Variants in IQGAP2 observed in about 807,000 individuals in gnomAD.
IQGAP2 encodes ras GTPase-activating-like protein IQGAP2.
A neutral mutation model predicts 201.3 loss-of-function variants in IQGAP2; 173 were observed. That is an observed-to-expected ratio of 0.86 (90% CI 0.76 to 0.98). The LOEUF is 0.98. Ranked by LOEUF, IQGAP2 falls within the 50% of genes least tolerant of loss-of-function variation. IQGAP2 has a pLI of 0.00. For missense variants in IQGAP2, 1,687 were observed against 1,864.8 expected, an observed-to-expected ratio of 0.90 and a Z score of 1.76; for synonymous variants, 675 against 673.9, an observed-to-expected ratio of 1.00 and a Z score of -0.03.
intron 20 of IQGAP2, among the ~76,000 whole-genome samples, chr5:76,655,286 T>C (rs1365339277): frequency 6.6e-6 from 1 of 152,024 alleles, no homozygotes; most frequent in Non-Finnish European, 1.5e-5. Context: ...TTTTTTTCAA[T>C]CTAAGCGAGA....
intron 2 of IQGAP2, among the ~76,000 whole-genome samples, chr5:76,490,702 A>G (rs1029072693): frequency 6.6e-6 from 1 of 152,180 alleles, no homozygotes; most frequent in African/African-American, 2.4e-5. Context: ...AAGGAACTGT[A>G]TAGGTTATAG....
chr5:76,634,860 G>A (rs1226990475), intron 15 of IQGAP2, among the ~76,000 whole-genome samples: 1 of 151,968 alleles, frequency 6.6e-6, no homozygotes, highest in African/African-American at 2.4e-5. Flanking sequence ...CCTCCTTGTG[G>A]AATGTTCATC....
chr5:76,607,999 A>G (rs1372223462), intron 12 of IQGAP2: 1 of 152,232 alleles, frequency 6.6e-6, no homozygotes, highest in Non-Finnish European at 1.5e-5. Flanking sequence ...CAGTGCTGAA[A>G]GATTGTAGGG....
intron 2 of IQGAP2, among the ~76,000 whole-genome samples, chr5:76,532,111 A>C (rs1051314072): frequency 6.6e-6 from 1 of 152,252 alleles, no homozygotes; most frequent in Non-Finnish European, 1.5e-5. Context: ...TGAGGGGGAC[A>C]TAAGCATTCA....
chr5:76,544,669 G>A (rs1185479157), intron 2 of IQGAP2, among the ~76,000 whole-genome samples: 5 of 152,100 alleles, frequency 3.3e-5, no homozygotes, highest in Non-Finnish European at 5.9e-5. Flanking sequence ...AGAGTGAGTG[G>A]TTGCTTAATT....
At chr5:76,416,889 C>A (rs1234643791) in intron 1 of IQGAP2, among the ~76,000 whole-genome samples, 2 of 152,074 alleles carry the variant, frequency 1.3e-5, no homozygotes, top group African/African-American at 4.8e-5. Flanking sequence ...AGTGCAGTGA[C>A]ATCATCACAG....
intron 2 of IQGAP2, among the ~76,000 whole-genome samples, chr5:76,523,333 C>T (rs377377202): frequency 1.3e-5 from 2 of 152,030 alleles, no homozygotes; most frequent in South Asian, 2.1e-4. Context: ...TCAAGCGATC[C>T]TCCCTCTTGG....
At chr5:76,474,322 A>G (rs1486707510) in intron 2 of IQGAP2, among the ~76,000 whole-genome samples, 3 of 152,256 alleles carry the variant, frequency 2.0e-5, no homozygotes, top group African/African-American at 7.2e-5. Flanking sequence ...AGAAAGCTCA[A>G]TAAAGAAAAA....
At chr5:76,465,927 A>G (rs1237981857) in intron 2 of IQGAP2, among the ~76,000 whole-genome samples, 1 of 152,226 alleles carries the variant, frequency 6.6e-6, no homozygotes, top group Non-Finnish European at 1.5e-5. Flanking sequence ...TGGATTGGAA[A>G]ATAGCATTAA....
chr5:76,634,697 C>T (rs1750983003), intron 15 of IQGAP2, among the ~76,000 whole-genome samples: 1 of 152,210 alleles, frequency 6.6e-6, no homozygotes, highest in Non-Finnish European at 1.5e-5. Flanking sequence ...ATGATTTATT[C>T]TTATCTCTTT....
intron 1 of IQGAP2, among the ~76,000 whole-genome samples, chr5:76,421,465 A>C (rs1192858163): frequency 6.6e-6 from 1 of 151,986 alleles, no homozygotes; most frequent in African/African-American, 2.4e-5. Flanking sequence ...AAAAATACAA[A>C]AATTAGCTGG....
intron 2 of IQGAP2, among the ~76,000 whole-genome samples, chr5:76,501,468 G>GAACAGTATTGC (rs1757269210): frequency 6.6e-6 from 1 of 151,820 alleles, no homozygotes; most frequent in Non-Finnish European, 1.5e-5. Flanking sequence ...TTGAGAATCG[G>GAACAGTATTGC]AACAGTATTG....
chr5:76,639,514 A>C (rs1385849139), intron 16 of IQGAP2, among the ~76,000 whole-genome samples: 3 of 152,248 alleles, frequency 2.0e-5, no homozygotes, highest in Non-Finnish European at 2.9e-5. Flanking sequence ...AACAAAAACA[A>C]AAGTTGGACC....
chr5:76,414,910 T>C (rs1451904672), intron 1 of IQGAP2, among the ~76,000 whole-genome samples: 3 of 152,212 alleles, frequency 2.0e-5, no homozygotes, highest in Non-Finnish European at 4.4e-5. Flanking sequence ...GAGAAAGAAG[T>C]GGAGCTTATA....
At chr5:76,481,569 A>T (rs150690980) in intron 2 of IQGAP2, among the ~76,000 whole-genome samples, 25 of 152,168 alleles carry the variant, frequency 1.6e-4, no homozygotes, top group African/African-American at 5.1e-4. Flanking sequence ...TTTTTAGTAG[A>T]GACAGGGTTT....
chr5:76,545,961 A>T (rs1364778384), intron 2 of IQGAP2, among the ~76,000 whole-genome samples: 2 of 152,116 alleles, frequency 1.3e-5, no homozygotes, highest in East Asian at 3.8e-4. Context: ...TTTTAATATC[A>T]TTGTGGTTAC....
chr5:76,541,251 T>C (rs921281491), intron 2 of IQGAP2, among the ~76,000 whole-genome samples: 5 of 152,176 alleles, frequency 3.3e-5, no homozygotes, highest in African/African-American at 1.2e-4. Flanking sequence ...CTGCCTACTT[T>C]AGATACCTCA....
chr5:76,684,226 T>C (rs1309531956), intron 30 of IQGAP2, among the ~76,000 whole-genome samples: 1 of 152,214 alleles, frequency 6.6e-6, no homozygotes, highest in South Asian at 2.1e-4. Context: ...AAATATCTAT[T>C]ACAGAGTGGC....
chr5:76,590,697 A>G, intron 8 of IQGAP2, 111 bp downstream of exon 8: 2 of 786,100 alleles, frequency 2.5e-6, no homozygotes, highest in South Asian at 1.9e-5. Context: ...TATTTTCTCT[A>G]TAGCCGTAGA....
Sources: gnomAD v4.1 joint callset for allele counts (sites outside exome capture counted in the v4.1 genomes callset) on GRCh38, gnomAD v4.1.1 for gene constraint, MANE v1.5 for transcripts, NCBI Gene and HGNC (gene_info 2026-07-23, HGNC 2026-07-21) for gene names.